Variants in SDCCAG8 observed in about 807,000 individuals in gnomAD.
SDCCAG8 encodes serologically defined colon cancer antigen 8.
In SDCCAG8, 74 loss-of-function variants were observed where a neutral mutation model predicts 101.8. That is an observed-to-expected ratio of 0.73 (90% confidence interval 0.60 to 0.88). The LOEUF (loss-of-function observed/expected upper bound fraction) is 0.88. Ranked by LOEUF, SDCCAG8 falls within the 40% of genes least tolerant of loss-of-function variation. The probability of loss-of-function intolerance (pLI) is 0.00; values close to 1 mark genes in which losing one functional copy is unlikely to be tolerated. For missense variants in SDCCAG8, 787 were observed against 822.6 expected (o/e 0.96, Z 0.53); for synonymous variants, 281 against 292.9 (o/e 0.96, Z 0.41).
At chr1:243,279,402 A>G (rs2068840645) in intron 4 of SDCCAG8, among the ~76,000 whole-genome samples, 1 of 152,242 alleles carries the variant, frequency 6.6e-6, no homozygotes, top group Non-Finnish European at 1.5e-5. Flanking sequence ...CTGTGATTGC[A>G]TGGCTAACTG....
intron 17 of SDCCAG8, among the ~76,000 whole-genome samples, chr1:243,495,426 G>A (rs1667566285): frequency 6.6e-6 from 1 of 152,334 alleles, no homozygotes; most frequent in East Asian, 1.9e-4. Flanking sequence ...GGGAAGGAGG[G>A]CTTTGAACTC....
intron 1 of SDCCAG8, among the ~76,000 whole-genome samples, chr1:243,268,683 T>C (rs1241040019): frequency 1.3e-5 from 2 of 151,786 alleles, no homozygotes; most frequent in Non-Finnish European, 2.9e-5. Flanking sequence ...TAACAGAGAC[T>C]TTTTTTTTCT....
chr1:243,404,712 A>G (rs1425727438), intron 13 of SDCCAG8, among the ~76,000 whole-genome samples: 1 of 152,158 alleles, frequency 6.6e-6, no homozygotes, highest in Non-Finnish European at 1.5e-5. Context: ...TCTTGTTGCC[A>G]AGTCAAGGTT....
intron 13 of SDCCAG8, among the ~76,000 whole-genome samples, chr1:243,392,398 C>T (rs1421464138): frequency 6.6e-6 from 1 of 152,188 alleles, no homozygotes; most frequent in Non-Finnish European, 1.5e-5. Context: ...CTGATATCAA[C>T]TCTTTGTCAA....
At chr1:243,355,109 C>G (rs1246604911) in intron 12 of SDCCAG8, among the ~76,000 whole-genome samples, 1 of 152,158 alleles carries the variant, frequency 6.6e-6, no homozygotes. Context: ...AACAGATGGT[C>G]AAGTTAATTT....
chr1:243,379,844 C>T (rs1322064428), intron 13 of SDCCAG8, among the ~76,000 whole-genome samples: 1 of 152,098 alleles, frequency 6.6e-6, no homozygotes, highest in Admixed American at 6.5e-5. Context: ...GGGGACTGAT[C>T]CCTTTTACAT....
chr1:243,481,032 G>A (rs1663644764), intron 16 of SDCCAG8, among the ~76,000 whole-genome samples: 1 of 151,974 alleles, frequency 6.6e-6, no homozygotes, highest in South Asian at 2.1e-4. Flanking sequence ...AGCATTAGAA[G>A]GTGACTCCAG....
Position 243,267,720 on chromosome 1 carries a change from AT to A in SDCCAG8, c.68-2384del, listed in dbSNP as rs1298737367. On this transcript the variant is annotated intron_variant, in intron 1 of 17. Coordinates refer to ENST00000366541, the MANE Select transcript of SDCCAG8 (RefSeq NM_006642.5). ...TGTGCATAGGTTCCTGTGTGTGTAC[AT>A]GGTAATTGTTCAAATCTTGGATCCT... 6.9e-5 allele frequency: 55 copies of A among 796,514 alleles called. No homozygotes were observed. In the African/African-American group the frequency reaches 8.6e-4, roughly 12 times the overall value. The allele number at this position is 796,514 out of a possible 1,614,324, so 49.3% of individuals were successfully genotyped here. A position where few individuals can be genotyped will look rare whatever the true frequency, so the allele number is the denominator to read the frequency against.
intron 12 of SDCCAG8, among the ~76,000 whole-genome samples, chr1:243,372,516 T>G (rs1234004520): frequency 6.6e-6 from 1 of 152,144 alleles, no homozygotes; most frequent in Non-Finnish European, 1.5e-5. Flanking sequence ...TTCATTTCTT[T>G]GGATATTTTT....
chr1:243,412,000 G>A (rs2080215834), intron 13 of SDCCAG8, among the ~76,000 whole-genome samples: 1 of 152,134 alleles, frequency 6.6e-6, no homozygotes, highest in Admixed American at 6.6e-5. Flanking sequence ...AGCTGGATTT[G>A]ACTCTCATTT....
chr1:243,414,222 G>A (rs769532721), intron 13 of SDCCAG8, among the ~76,000 whole-genome samples: 8 of 152,270 alleles, frequency 5.3e-5, no homozygotes, highest in East Asian at 1.9e-4. Flanking sequence ...GGCCTGAAGC[G>A]GGTAGTTGTA....
chr1:243,286,066 C>T (rs2069584610), intron 4 of SDCCAG8, among the ~76,000 whole-genome samples: 1 of 152,208 alleles, frequency 6.6e-6, no homozygotes, highest in African/African-American at 2.4e-5. Context: ...TGATATGCCA[C>T]CAGCAGGCCC....
At chr1:243,494,694 G>A (rs1489981616) in intron 17 of SDCCAG8, among the ~76,000 whole-genome samples, 1 of 152,214 alleles carries the variant, frequency 6.6e-6, no homozygotes, top group African/African-American at 2.4e-5. Context: ...TGGGAGAAAA[G>A]TCAATTGAAT....
chr1:243,352,545 A>T (rs773354343), intron 12 of SDCCAG8, among the ~76,000 whole-genome samples: 1 of 152,218 alleles, frequency 6.6e-6, no homozygotes, highest in Non-Finnish European at 1.5e-5. Context: ...AAATGTGTCC[A>T]TGCAGCCCAA....
chr1:243,483,152 G>C (rs1215210742), intron 16 of SDCCAG8, among the ~76,000 whole-genome samples: 2 of 152,326 alleles, frequency 1.3e-5, no homozygotes, highest in East Asian at 3.9e-4. Flanking sequence ...GACGGTGAGG[G>C]GGGTGAAGGT....
intron 17 of SDCCAG8, among the ~76,000 whole-genome samples, chr1:243,497,338 G>GGC (rs1491500118): frequency 2.1e-4 from 17 of 79,924 alleles, no homozygotes; most frequent in Non-Finnish European, 3.3e-4. Flanking sequence ...AGGCACGGGT[G>GGC]GGGGGGGGGG....
At chr1:243,348,342 G>T (rs190667820) in intron 12 of SDCCAG8, among the ~76,000 whole-genome samples, 1 of 151,638 alleles carries the variant, frequency 6.6e-6, no homozygotes, top group South Asian at 2.1e-4. Context: ...GAGCCACCGC[G>T]CCCGGCCTGG....
At chr1:243,477,933 G>T (rs1383144658) in intron 16 of SDCCAG8, among the ~76,000 whole-genome samples, 1 of 152,216 alleles carries the variant, frequency 6.6e-6, no homozygotes, top group Non-Finnish European at 1.5e-5. Context: ...AATTGAGTCA[G>T]AAATTTTCAA....
At position 243,440,352 on chromosome 1, in the gene SDCCAG8, T is replaced by C. The variant is rs933201028; in HGVS notation, c.1985+13794T>C. On this transcript the variant is annotated intron_variant, in intron 16 of 17. Coordinates refer to ENST00000366541, the MANE Select transcript of SDCCAG8 (RefSeq NM_006642.5). ...AAAGAAAAACATTAACTAGCAGGTC[T>C]TCCTTTAAAACTAAATAAGCTCTGC... 2.0e-5 allele frequency among the ~76,000 whole-genome samples: 3 copies of C among 152,236 alleles called. No homozygotes were observed. The East Asian group carries it at 5.8e-4, about 29-fold the overall frequency.
Sources: gnomAD v4.1 joint callset for allele counts (sites outside exome capture counted in the v4.1 genomes callset) on GRCh38, gnomAD v4.1.1 for gene constraint, MANE v1.5 for transcripts, NCBI Gene and HGNC (gene_info 2026-07-23, HGNC 2026-07-21) for gene names.